The following IFT88 variants were observed in gnomAD, a reference collection of about 807,000 sequenced individuals.
The protein encoded by IFT88 is intraflagellar transport protein 88 homolog.
Under a neutral mutation model 119.5 loss-of-function variants are expected in IFT88, and 74 were observed. The observed-to-expected ratio is 0.62, with a 90% CI of 0.51 to 0.75. The LOEUF (loss-of-function observed/expected upper bound fraction) is 0.75, where lower values mean the gene tolerates loss of function less well. IFT88 is among the 30% of genes least tolerant of loss of function. The probability of loss-of-function intolerance (pLI) is 0.00; values close to 1 mark genes in which losing one functional copy is unlikely to be tolerated. For synonymous variants in IFT88, 279 were observed against 316.7 expected (o/e 0.88, Z 1.26); for missense variants, 961 against 977.7 (o/e 0.98, Z 0.23).
intron 24 of IFT88, among the ~76,000 whole-genome samples, chr13:20,680,309 A>C (rs1189657569): frequency 2.6e-5 from 4 of 152,136 alleles, no homozygotes; most frequent in African/African-American, 4.8e-5. Flanking sequence ...TCCCAACAAG[A>C]TATTCATAAT....
rs1243473280 is a variant in IFT88 at position 20,675,157 on chromosome 13, C to T, written c.2242+4118C>T. 5.9e-5 allele frequency among the ~76,000 whole-genome samples: 9 copies of T among 152,106 alleles called. No individual in the cohort carries two copies. In the East Asian group the frequency reaches 9.7e-4, roughly 16 times the overall value. ...AAGGGAGGACGAGACAAGGAGTGTA[C>T]GCTCTGAGGAGGTGCATAGGCCTAA... On this transcript the variant is annotated intron_variant, in intron 24 of 25. Transcript: ENST00000351808.
At chr13:20,616,655 C>G (rs901961913) in intron 14 of IFT88, among the ~76,000 whole-genome samples, 1 of 152,082 alleles carries the variant, frequency 6.6e-6, no homozygotes, top group Non-Finnish European at 1.5e-5. Context: ...AGAACATATC[C>G]CCATCATCAA....
intron 2 of IFT88, 64 bp downstream of exon 2, chr13:20,574,539 G>A (rs1156391369): frequency 1.2e-6 from 1 of 814,806 alleles, no homozygotes; most frequent in African/African-American, 1.8e-5. Context: ...GAAGACTGTG[G>A]ATTTGAGAGT....
In IFT88 at chr13:20,644,854, T is replaced by A. The variant is rs1372065523; in HGVS notation, c.1845T>A (p.Tyr615Ter). Residue 615 changes from tyrosine to a stop codon, truncating the protein, a stop_gained, in exon 20 of 26, where the codon TAT becomes TAA. Transcript: ENST00000351808. LOFTEE classifies it high-confidence loss of function. ...AFQYYYESYRYFPCNIEVIEW... is the reference protein window; with the variant it reads ...AFQYYYESYR ...TATTTGTTTTACAGTCATATAGGTA[T>A]TTTCCTTGTAATATTGAAGTCATTG... 7.8e-6 allele frequency: 12 copies of A among 1,535,006 alleles called. No individual in the cohort carries two copies. Among genetic ancestry groups the A allele is most frequent in the Non-Finnish European group, 3.6e-6 (4 of 1,114,100 alleles).
In IFT88 at chr13:20,663,524, A is replaced by G. The variant is rs747226088; in HGVS notation, c.2095A>G (p.Thr699Ala). ...TCTGCGTTTCTTAGTTCGTCTCTGC[A>G]CAGATCTTGGATTAAAAGATGCTCA... ...ECLRFLVRLC[T>A]DLGLKDAQEY... Residue 699 changes from threonine (T) to alanine (A), a missense_variant, in exon 23 of 26, where the codon ACA (threonine) becomes GCA (alanine). Thr to Ala is a moderately conservative substitution (Grantham distance 58). Transcript: ENST00000351808. 5 of 1,613,980 alleles carry G rather than the reference A, an allele frequency of 3.1e-6. No individual in the cohort carries two copies. Among genetic ancestry groups the G allele is most frequent in the Non-Finnish European group, 4.2e-6 (5 of 1,179,956 alleles).
chr13:20,599,070 T>C (rs2042195487), intron 10 of IFT88, among the ~76,000 whole-genome samples: 2 of 152,074 alleles, frequency 1.3e-5, no homozygotes. Context: ...GCATTTATAT[T>C]GTGTAATTTT....
At chr13:20,595,136 C>T (rs545318679) in intron 7 of IFT88, among the ~76,000 whole-genome samples, 25 of 152,232 alleles carry the variant, frequency 1.6e-4, no homozygotes, top group African/African-American at 2.2e-4. Flanking sequence ...TGGTGGTGCA[C>T]GCCTATAGTG....
intron 13 of IFT88, among the ~76,000 whole-genome samples, chr13:20,611,514 C>CAAAAAAA (rs56062553): frequency 6.8e-5 from 4 of 59,072 alleles, no homozygotes; most frequent in Non-Finnish European, 8.7e-5. Flanking sequence ...GACCCAGTCT[C>CAAAAAAA]AAAAAAAAAA....
intron 17 of IFT88, among the ~76,000 whole-genome samples, chr13:20,639,964 A>G (rs772590333): frequency 1.3e-5 from 2 of 151,228 alleles, no homozygotes; most frequent in Non-Finnish European, 3.0e-5. Flanking sequence ...AATTTTTTGC[A>G]TTTTTAGTAG....
Position 20,663,486 on chromosome 13 carries a change from T to C in IFT88, c.2069-12T>C, listed in dbSNP as rs756474451. 6.2e-7 allele frequency: 1 copy of C among 1,609,758 alleles called. No individual in the cohort carries two copies. The highest frequency in any genetic ancestry group is 8.5e-7 in the Non-Finnish European group (1 of 1,177,264). ...CCTATATTCTTTCCTAAATGTATAT[T>C]TTACAATTTAGGTCTGCGTTTCTTA... is the stretch of plus-strand genomic sequence containing the variant. On this transcript the variant is annotated splice_polypyrimidine_tract_variant and intron_variant, in intron 22 of 25. Coordinates refer to ENST00000351808, the MANE Select transcript of IFT88 (RefSeq NM_006531.5).
intron 10 of IFT88, 143 bp from the exon 11 acceptor site, chr13:20,599,308 C>T (rs1238010114): frequency 4.1e-6 from 2 of 485,396 alleles, no homozygotes; most frequent in Admixed American, 4.2e-5. Flanking sequence ...AAAAGTATAA[C>T]TGTTTTAAAG....
At chr13:20,677,754 T>C (rs965725079) in intron 24 of IFT88, among the ~76,000 whole-genome samples, 2 of 152,148 alleles carry the variant, frequency 1.3e-5, no homozygotes, top group Non-Finnish European at 2.9e-5. Context: ...TTCTTAAAAA[T>C]AGAAGAGAGA....
chr13:20,581,127 C>G (rs1033361298), intron 2 of IFT88, among the ~76,000 whole-genome samples: 1 of 152,062 alleles, frequency 6.6e-6, no homozygotes, highest in South Asian at 2.1e-4. Flanking sequence ...GAATATCAGA[C>G]CCAAAAATAA....
chr13:20,663,729 A>G (rs2054192365), intron 23 of IFT88, 125 bp downstream of exon 23: 5 of 664,462 alleles, frequency 7.5e-6, no homozygotes, highest in African/African-American at 1.8e-5. Flanking sequence ...CTGCTCTGAC[A>G]TAATAGGAGG....
At chr13:20,653,535 A>G (rs2052171786) in intron 20 of IFT88, among the ~76,000 whole-genome samples, 1 of 152,194 alleles carries the variant, frequency 6.6e-6, no homozygotes, top group African/African-American at 2.4e-5. Context: ...ATTTGCAAGC[A>G]AGTGTAAGTA....
intron 17 of IFT88, among the ~76,000 whole-genome samples, chr13:20,639,986 C>T (rs2049629355): frequency 6.6e-6 from 1 of 151,600 alleles, no homozygotes; most frequent in African/African-American, 2.4e-5. Flanking sequence ...GATGGGGTTT[C>T]ACCATGTTGA....
chr13:20,625,901 G>T, intron 15 of IFT88, 52 bp downstream of exon 15: 1 of 917,314 alleles, frequency 1.1e-6, no homozygotes, highest in Non-Finnish European at 1.7e-6. Context: ...ATTGGTCAAA[G>T]CATTAAAAAC....
intron 22 of IFT88, 94 bp downstream of exon 22, chr13:20,656,524 T>C (rs942664237): frequency 2.1e-6 from 1 of 475,472 alleles, no homozygotes; most frequent in Non-Finnish European, 3.7e-6. Flanking sequence ...ATTGTATACG[T>C]AAATACCAAC....
intron 17 of IFT88, 116 bp downstream of exon 17, chr13:20,638,634 A>G (rs2049390842): frequency 1.8e-6 from 1 of 557,476 alleles, no homozygotes; most frequent in South Asian, 6.5e-5. Context: ...ACTTCCTTCT[A>G]ACGGAAAATT....
Sources: gnomAD v4.1 joint callset for allele counts (sites outside exome capture counted in the v4.1 genomes callset) on GRCh38, gnomAD v4.1.1 for gene constraint, MANE v1.5 for transcripts, NCBI Gene and HGNC (gene_info 2026-07-23, HGNC 2026-07-21) for gene names.